RHOBTB3: variants seen among roughly 807,000 people sequenced by gnomAD.
RHOBTB3 encodes the protein rho-related BTB domain-containing protein 3.
Under a neutral mutation model 67.2 loss-of-function variants are expected in RHOBTB3, and 47 were observed. The ratio of observed to expected loss-of-function variants is 0.70; its 90% CI spans 0.55 to 0.89. The LOEUF is 0.89. Among genes scored for constraint, RHOBTB3 ranks in the 40% least tolerant of loss-of-function variants. The pLI is 0.00. For missense variants in RHOBTB3, 631 were observed against 750.0 expected (o/e 0.84, Z 1.85); for synonymous variants, 273 against 274.2 (o/e 1.00, Z 0.04).
chr5:95,761,304 T>TTTGGATAATG (rs1294126477), intron 6 of RHOBTB3, among the ~76,000 whole-genome samples: 3 of 151,896 alleles, frequency 2.0e-5, no homozygotes, highest in African/African-American at 7.3e-5. Context: ...TAACACTGGG[T>TTTGGATAATG]TTGGATAATG....
chr5:95,782,277 G>GTAAGAATA (rs1049252609), intron 9 of RHOBTB3: 8 of 152,310 alleles, frequency 5.3e-5, no homozygotes, highest in Admixed American at 1.3e-4. Context: ...ATGTAAGAAT[G>GTAAGAATA]TAAGGAGGGA....
chr5:95,781,144 C>T (rs749434822), intron 9 of RHOBTB3, among the ~76,000 whole-genome samples: 1 of 152,166 alleles, frequency 6.6e-6, no homozygotes, highest in African/African-American at 2.4e-5. Context: ...ATTTTTTCTA[C>T]AGGCCTGGAG....
intron 11 of RHOBTB3, among the ~76,000 whole-genome samples, chr5:95,792,337 A>G (rs1746423836): frequency 1.3e-5 from 2 of 150,774 alleles, no homozygotes; most frequent in African/African-American, 2.4e-5. Context: ...CAGTGAGTCC[A>G]GATTGCGCCA....
chr5:95,774,088 A>G (rs1363799659), intron 8 of RHOBTB3, among the ~76,000 whole-genome samples: 2 of 152,254 alleles, frequency 1.3e-5, no homozygotes, highest in African/African-American at 2.4e-5. Context: ...ACACTTATAG[A>G]AAATGTCTGT....
At chr5:95,740,237 A>G (rs1007700356) in intron 3 of RHOBTB3, among the ~76,000 whole-genome samples, 6 of 152,160 alleles carry the variant, frequency 3.9e-5, no homozygotes, top group South Asian at 2.1e-4. Context: ...CCTTTTCTTT[A>G]TAAATTACCC....
intron 7 of RHOBTB3, among the ~76,000 whole-genome samples, chr5:95,763,896 C>A (rs1217991505): frequency 6.6e-6 from 1 of 151,924 alleles, no homozygotes; most frequent in African/African-American, 2.4e-5. Flanking sequence ...GCAGCCTCCA[C>A]CTCCTGGGCT....
chr5:95,747,937 A>G (rs1744968206), intron 3 of RHOBTB3, among the ~76,000 whole-genome samples: 1 of 152,204 alleles, frequency 6.6e-6, no homozygotes, highest in Non-Finnish European at 1.5e-5. Context: ...TATTATATTA[A>G]AAAAGCAAAT....
At chr5:95,745,275 A>G (rs572298289) in intron 3 of RHOBTB3, among the ~76,000 whole-genome samples, 2 of 152,134 alleles carry the variant, frequency 1.3e-5, no homozygotes, top group South Asian at 4.2e-4. Context: ...TCAGCCAAGT[A>G]TAATCCAGTC....
chr5:95,732,056 A>G lies in RHOBTB3; in HGVS notation c.200A>G (p.Lys67Arg). The G allele has an allele frequency of 6.2e-7, 1 of 1,614,202 alleles. No individual in the cohort carries two copies. The highest frequency in any genetic ancestry group is 8.5e-7 in the Non-Finnish European group (1 of 1,180,042). Residue 67 changes from lysine (K) to arginine (R), a missense_variant, in exon 2 of 12, where the codon AAG becomes AGG. Lys to Arg is a conservative substitution (Grantham distance 26). Transcript: ENST00000379982. ...EYQASAFGNV[K>R]LVVHDCPVWD... Reference sequence around the variant, plus strand: ...CAGGCCAGTGCGTTTGGGAATGTCAAGCTGGTGGTCCACGACTGTCCCGTC... The same window carrying G: ...CAGGCCAGTGCGTTTGGGAATGTCAGGCTGGTGGTCCACGACTGTCCCGTC...
intron 10 of RHOBTB3, 92 bp from the exon 11 acceptor site, chr5:95,788,670 C>T: frequency 1.3e-6 from 1 of 780,220 alleles, no homozygotes; most frequent in South Asian, 1.7e-5. Context: ...TGAATATGGG[C>T]TCTCCGTGAT....
rs549226903 is a variant in RHOBTB3, at chr5:95,792,418, G to T, written c.1721-641G>T. On this transcript the variant is annotated intron_variant, in intron 11 of 11. Transcript: ENST00000379982. ...AAAAAAAAAAGAAAAGAAAAGAAAA[G>T]AAAAGAAAAGAAAACTAAGTATTAT... Among the ~76,000 whole-genome samples, 470 of 141,300 alleles carry T rather than the reference G, an allele frequency of 3.3e-3. 2 individuals are homozygous for T. The highest frequency in any genetic ancestry group is 4.2e-3 in the Non-Finnish European group (268 of 64,206). 92.7% of individuals were successfully genotyped at this position (141,300 alleles called of 152,430 possible). A position where few individuals can be genotyped will look rare whatever the true frequency, so the allele number is the denominator to read the frequency against.
chr5:95,752,990 G>A (rs895335964), intron 5 of RHOBTB3, among the ~76,000 whole-genome samples: 1 of 152,046 alleles, frequency 6.6e-6, no homozygotes, highest in Non-Finnish European at 1.5e-5. Flanking sequence ...AAATTAGCCG[G>A]GTGAGGTGGC....
Position 95,731,434 on chromosome 5 carries a change from A to G in RHOBTB3, c.-249A>G. 8.3e-7 allele frequency: 1 copy of G among 1,198,612 alleles called. No individual in the cohort carries two copies. Among genetic ancestry groups the G allele is most frequent in the Non-Finnish European group, 1.0e-6 (1 of 969,372 alleles). The allele number at this position is 1,198,612 out of a possible 1,614,324, so 74.2% of individuals were successfully genotyped here. On this transcript the variant is annotated 5_prime_UTR_variant, in exon 1 of 12. The change abolishes an upstream ATG in the 5' untranslated region. Coordinates refer to ENST00000379982, the MANE Select transcript of RHOBTB3 (RefSeq NM_014899.4). ...CTGTGCGGCGGTCCCGCGCCCGGCG[A>G]TGTTCCCGGGCACTCCCTGAGTAGC...
chr5:95,733,405 C>A (rs566632155), intron 2 of RHOBTB3, among the ~76,000 whole-genome samples: 2 of 152,092 alleles, frequency 1.3e-5, no homozygotes, highest in Admixed American at 1.3e-4. Flanking sequence ...TTTAGCGAAT[C>A]GAGTAAATGT....
intron 3 of RHOBTB3, among the ~76,000 whole-genome samples, chr5:95,743,104 A>C (rs939670835): frequency 4.6e-5 from 7 of 151,916 alleles, no homozygotes; most frequent in South Asian, 4.2e-4. Flanking sequence ...AATAAAAAAA[A>C]CTCTCAGGAT....
intron 11 of RHOBTB3, among the ~76,000 whole-genome samples, chr5:95,792,574 C>T (rs1049579198): frequency 6.6e-6 from 1 of 151,720 alleles, no homozygotes; most frequent in Admixed American, 6.6e-5. Context: ...AGGCAGATCA[C>T]GAGGTCAGGA....
chr5:95,774,305 G>A (rs1004747705), intron 8 of RHOBTB3, among the ~76,000 whole-genome samples: 13 of 152,224 alleles, frequency 8.5e-5, no homozygotes, highest in Non-Finnish European at 1.5e-4. Flanking sequence ...TTTGATTTTG[G>A]CATAATTTCC....
chr5:95,732,388 C>A (rs550071018), intron 2 of RHOBTB3: 17 of 561,680 alleles, frequency 3.0e-5, no homozygotes, highest in Non-Finnish European at 5.3e-5. Context: ...CTCCAAGGGA[C>A]GGGGTCACTA....
intron 8 of RHOBTB3, among the ~76,000 whole-genome samples, chr5:95,772,503 A>G (rs1237200506): frequency 6.6e-6 from 1 of 151,764 alleles, no homozygotes; most frequent in Non-Finnish European, 1.5e-5. Context: ...TTTTTAACCT[A>G]GGTCCTCTTG....
Sources: allele counts gnomAD v4.1 joint callset (sites outside exome capture counted in the v4.1 genomes callset), GRCh38; gene constraint gnomAD v4.1.1; transcripts MANE v1.5; gene names NCBI Gene and HGNC (gene_info 2026-07-23, HGNC 2026-07-21).